AKAP6: variants seen among roughly 807,000 people sequenced by gnomAD.
The protein encoded by AKAP6 is A-kinase anchor protein 6.
Under a neutral mutation model 188.5 loss-of-function variants are expected in AKAP6, and 58 were observed. The ratio of observed to expected loss-of-function variants is 0.31; its 90% CI spans 0.25 to 0.38. The LOEUF (loss-of-function observed/expected upper bound fraction) is 0.38, where lower values mean the gene tolerates loss of function less well. AKAP6 is among the 10% of genes least tolerant of loss of function. AKAP6 has a pLI of 1.00. For synonymous variants in AKAP6, 989 were observed against 998.6 expected (o/e 0.99, Z 0.18); for missense variants, 2,710 against 2,740.0 (o/e 0.99, Z 0.24).
intron 12 of AKAP6, among the ~76,000 whole-genome samples, chr14:32,817,083 G>T (rs1009889581): frequency 6.6e-6 from 1 of 151,902 alleles, no homozygotes; most frequent in African/African-American, 2.4e-5. Context: ...TTCTCTATTA[G>T]GTTATTGTTT....
intron 2 of AKAP6, among the ~76,000 whole-genome samples, chr14:32,510,439 T>TGTATATATATAC (rs1881171169): frequency 4.1e-4 from 9 of 22,140 alleles, no homozygotes; most frequent in African/African-American, 1.5e-3. Flanking sequence ...TATATATGTG[T>TGTATATATATAC]ATATATATAT....
At chr14:32,382,579 G>T (rs3784178) in intron 1 of AKAP6, among the ~76,000 whole-genome samples, 7,074 of 152,202 alleles carry the variant, frequency 0.046, 227 homozygotes, top group East Asian at 0.084. Context: ...TAGAAAATTT[G>T]TTGAGTGCTT....
At chr14:32,653,610 T>A (rs973371573) in intron 7 of AKAP6, among the ~76,000 whole-genome samples, 1 of 149,950 alleles carries the variant, frequency 6.7e-6, no homozygotes, top group Non-Finnish European at 1.5e-5. Context: ...TTAATCCTCT[T>A]TTCTTTATTA....
intron 7 of AKAP6, among the ~76,000 whole-genome samples, chr14:32,652,670 C>G (rs1888280484): frequency 1.3e-5 from 2 of 152,202 alleles, no homozygotes; most frequent in Admixed American, 6.5e-5. Flanking sequence ...ATTCAAGCTA[C>G]AGCTCTACTG....
intron 12 of AKAP6, 89 bp from the exon 13 acceptor site, chr14:32,821,313 C>T: frequency 7.0e-7 from 1 of 1,433,664 alleles, no homozygotes; most frequent in African/African-American, 1.4e-5. Context: ...GTTTTCTTTC[C>T]TGAGTCTTCT....
intron 9 of AKAP6, among the ~76,000 whole-genome samples, chr14:32,712,233 T>G (rs1195209069): frequency 6.6e-6 from 1 of 151,982 alleles, no homozygotes; most frequent in African/African-American, 2.4e-5. Context: ...GCATTATGTC[T>G]AAAAATGTAC....
At chr14:32,766,765 T>A (rs191826349) in intron 11 of AKAP6, among the ~76,000 whole-genome samples, 1 of 152,268 alleles carries the variant, frequency 6.6e-6, no homozygotes, top group East Asian at 1.9e-4. Context: ...TGCAAAAGCT[T>A]TAAATTTTGA....
At chr14:32,691,788 A>G (rs1198620044) in intron 8 of AKAP6, among the ~76,000 whole-genome samples, 1 of 151,988 alleles carries the variant, frequency 6.6e-6, no homozygotes, top group Non-Finnish European at 1.5e-5. Flanking sequence ...CAAACTCCTG[A>G]CCTCAGGTGA....
chr14:32,644,604 G>T (rs929509589), intron 7 of AKAP6, among the ~76,000 whole-genome samples: 2 of 152,074 alleles, frequency 1.3e-5, no homozygotes, highest in African/African-American at 2.4e-5. Context: ...GTTGCACAAA[G>T]TCTGTATAAC....
intron 3 of AKAP6, among the ~76,000 whole-genome samples, chr14:32,536,875 G>A (rs538949687): frequency 6.6e-6 from 1 of 152,144 alleles, no homozygotes; most frequent in African/African-American, 2.4e-5. Context: ...GTTGCATGTA[G>A]GGAGTGGTGG....
rs1479339050 is a variant in AKAP6 at position 32,822,002 on chromosome 14, C to T, written c.4189C>T (p.His1397Tyr). 2 of 1,613,952 alleles carry T rather than the reference C, an allele frequency of 1.2e-6. No homozygotes were observed. Among genetic ancestry groups the T allele is most frequent in the Non-Finnish European group, 8.5e-7 (1 of 1,179,954 alleles). ...DGSPSNLETE[H>Y]LDPQMGDAVN... is the part of the protein sequence containing the mutation. Reference sequence around the variant, plus strand: ...GTCCCCAAGTAACCTTGAAACTGAACATCTGGACCCACAAATGGGAGATGC... The same window carrying T: ...GTCCCCAAGTAACCTTGAAACTGAATATCTGGACCCACAAATGGGAGATGC... The change falls in exon 13 of 14, where the codon CAT becomes TAT. Residue 1397 changes from histidine to tyrosine, a missense_variant. Physicochemically the swap from His to Tyr is moderately conservative, Grantham distance 83. Around this residue, in one of 2 missense-constraint regions of AKAP6, gnomAD observed 2,473 missense variants for 2,426.1 expected, o/e 1.02. Coordinates refer to ENST00000280979, the MANE Select transcript of AKAP6 (RefSeq NM_004274.5).
chr14:32,663,917 C>G (rs183322133), intron 7 of AKAP6, among the ~76,000 whole-genome samples: 236 of 152,106 alleles, frequency 1.6e-3, no homozygotes, highest in Admixed American at 3.1e-3. Flanking sequence ...ATAAATGGAG[C>G]AATTTTTGTT....
intron 9 of AKAP6, among the ~76,000 whole-genome samples, chr14:32,702,768 C>CGA: frequency 6.6e-6 from 1 of 152,246 alleles, no homozygotes; most frequent in South Asian, 2.1e-4. Context: ...GTGGATCAAA[C>CGA]GAGCCGTGGG....
intron 3 of AKAP6, among the ~76,000 whole-genome samples, chr14:32,544,942 T>A (rs1883127152): frequency 6.6e-6 from 1 of 152,172 alleles, no homozygotes; most frequent in Non-Finnish European, 1.5e-5. Context: ...ATATATTATT[T>A]TTAAGTTGAA....
intron 4 of AKAP6, among the ~76,000 whole-genome samples, chr14:32,557,383 C>T (rs571581358): frequency 1.3e-5 from 2 of 152,270 alleles, no homozygotes; most frequent in South Asian, 2.1e-4. Context: ...GGACAGGAGC[C>T]GCCGCATGGC....
intron 3 of AKAP6, 104 bp downstream of exon 3, chr14:32,535,909 G>A (rs1313759685): frequency 1.3e-5 from 20 of 1,487,738 alleles, no homozygotes; most frequent in Middle Eastern, 1.8e-4. Flanking sequence ...AGGTAAATAA[G>A]CAGGCCCTGA....
chr14:32,585,167 C>T lies in AKAP6; in HGVS notation c.2469+7925C>T, dbSNP rs1022235880. 3.9e-5 allele frequency among the ~76,000 whole-genome samples: 6 copies of T among 152,072 alleles called. No homozygotes were observed. The South Asian group carries it at 1.2e-3, about 32-fold the overall frequency. ...GCTCCTGAAATGGTAACTCTGATTT[C>T]CCAAGTTGTTATGCATACCTAATTC... On this transcript the variant is annotated intron_variant, in intron 5 of 13. Coordinates refer to ENST00000280979, the MANE Select transcript of AKAP6 (RefSeq NM_004274.5).
chr14:32,642,756 T>C (rs979947520), intron 7 of AKAP6, among the ~76,000 whole-genome samples: 3 of 152,190 alleles, frequency 2.0e-5, no homozygotes, highest in African/African-American at 7.2e-5. Flanking sequence ...TGAGAATATG[T>C]AGAGATATAT....
intron 2 of AKAP6, among the ~76,000 whole-genome samples, chr14:32,499,983 A>G (rs1031859329): frequency 6.6e-6 from 1 of 152,160 alleles, no homozygotes; most frequent in Admixed American, 6.6e-5. Flanking sequence ...TGTATGTACC[A>G]AAACAATATA....
Sources: allele counts gnomAD v4.1 joint callset (sites outside exome capture counted in the v4.1 genomes callset), GRCh38; gene constraint gnomAD v4.1.1; regional missense constraint gnomAD v4.1.1; transcripts MANE v1.5; gene names NCBI Gene and HGNC (gene_info 2026-07-23, HGNC 2026-07-21).